TWIST2: variants seen among roughly 807,000 people sequenced by gnomAD.
TWIST2 encodes twist family bHLH transcription factor 2.
Under a neutral mutation model 11.6 loss-of-function variants are expected in TWIST2, and 1 was observed. The ratio of observed to expected loss-of-function variants is 0.09; its 90% CI spans 0.03 to 0.41. TWIST2 has a LOEUF of 0.41. TWIST2 is among the 10% of genes least tolerant of loss of function. The pLI is 0.98. For synonymous variants in TWIST2, 87 were observed against 96.6 expected (o/e 0.90, Z 0.58); for missense variants, 168 against 226.4 (o/e 0.74, Z 1.66).
In TWIST2 at chr2:238,863,500, C is replaced by A. The variant is rs962053375; in HGVS notation, c.*35+14767C>A. On this transcript the variant is annotated intron_variant, in intron 1 of 1. Coordinates refer to ENST00000612363, the MANE Select transcript of TWIST2 (RefSeq NM_001271893.4). The surrounding 1 kb of genome is among the most constrained non-coding windows in gnomAD (Gnocchi z 4.7). ...GTGCGGTTTCAGCTCTCCTGGCTGGCCTTTACCCGCTGGGCAGTTCCCAAA... is the reference window on the plus strand; with the variant it reads ...GTGCGGTTTCAGCTCTCCTGGCTGGACTTTACCCGCTGGGCAGTTCCCAAA... 6.6e-6 allele frequency among the ~76,000 whole-genome samples: 1 copy of A among 152,182 alleles called. No homozygotes were observed. The highest frequency in any genetic ancestry group is 6.5e-5 in the Admixed American group (1 of 15,280).
At chr2:238,909,054 T>A (rs1693408406) in intron 1 of TWIST2, among the ~76,000 whole-genome samples, 1 of 152,086 alleles carries the variant, frequency 6.6e-6, no homozygotes, top group African/African-American at 2.4e-5. Flanking sequence ...GTGGTATGTG[T>A]ATGTGGTGTG....
At chr2:238,904,760 G>T (rs986557436) in intron 1 of TWIST2, among the ~76,000 whole-genome samples, 1 of 151,842 alleles carries the variant, frequency 6.6e-6, no homozygotes, top group Non-Finnish European at 1.5e-5. Context: ...CAATTATGTC[G>T]CAGGAATGGA....
chr2:238,869,086 C>T (rs755040737), intron 1 of TWIST2, among the ~76,000 whole-genome samples: 1 of 152,210 alleles, frequency 6.6e-6, no homozygotes, highest in Non-Finnish European at 1.5e-5. Flanking sequence ...AAGGACGAGG[C>T]TGGGGAGCAC....
At chr2:238,881,910 G>A (rs192758307) in intron 1 of TWIST2, among the ~76,000 whole-genome samples, 3 of 152,208 alleles carry the variant, frequency 2.0e-5, no homozygotes, top group African/African-American at 7.2e-5. Flanking sequence ...ATGAGAGCCC[G>A]TGGGCATCAC....
At position 238,861,706 on chromosome 2, in the gene TWIST2, T is replaced by TA. The variant is rs574896791; in HGVS notation, c.*35+12974dup. Among the ~76,000 whole-genome samples the TA allele has an allele frequency of 3.8e-3, 578 of 152,330 alleles. 4 individuals are homozygous for TA. Among genetic ancestry groups the TA allele is most frequent in the African/African-American group, 0.013 (550 of 41,578 alleles). ...AGCCAGGCTTCCTGGTGAATCCCGT[T>TA]ACAGCCGTCCCGTTTATCCATGGTT... On this transcript the variant is annotated intron_variant, in intron 1 of 1. Transcript: ENST00000612363.
intron 1 of TWIST2, among the ~76,000 whole-genome samples, chr2:238,872,550 T>A (rs1416980949): frequency 6.6e-6 from 1 of 152,258 alleles, no homozygotes; most frequent in African/African-American, 2.4e-5. Context: ...TGCTCTTTCT[T>A]TTCCAAGAAT....
intron 1 of TWIST2, among the ~76,000 whole-genome samples, chr2:238,871,563 C>G: frequency 8.2e-6 from 1 of 121,942 alleles, no homozygotes; most frequent in Admixed American, 8.2e-5. Flanking sequence ...CCACACACCA[C>G]ACACACACCC....
chr2:238,900,723 G>T (rs1273374153), intron 1 of TWIST2, among the ~76,000 whole-genome samples: 1 of 152,092 alleles, frequency 6.6e-6, no homozygotes, highest in African/African-American at 2.4e-5. Flanking sequence ...GAGTGGGGGT[G>T]GTGAGCTTGT....
At chr2:238,885,821 T>C (rs1693024334) in intron 1 of TWIST2, among the ~76,000 whole-genome samples, 1 of 152,140 alleles carries the variant, frequency 6.6e-6, no homozygotes, top group African/African-American at 2.4e-5. Context: ...CCTGTAATCC[T>C]AGCACTTTGA....
intron 1 of TWIST2, among the ~76,000 whole-genome samples, chr2:238,908,722 G>GTGCT (rs1553572950): frequency 2.6e-5 from 4 of 151,472 alleles, no homozygotes; most frequent in Non-Finnish European, 5.9e-5. Flanking sequence ...TGTGCAGTGT[G>GTGCT]TGTGTGGGTA....
chr2:238,898,123 C>T (rs1419003663), intron 1 of TWIST2, among the ~76,000 whole-genome samples: 3 of 152,362 alleles, frequency 2.0e-5, no homozygotes, highest in Admixed American at 6.5e-5. Flanking sequence ...CTGGCGAACG[C>T]GGTCTCAGGG....
In TWIST2 at chr2:238,866,682, C is replaced by G. The variant is rs1328873891; in HGVS notation, c.*35+17949C>G. Among the ~76,000 whole-genome samples, 1 of 152,130 alleles carries G rather than the reference C, an allele frequency of 6.6e-6. No homozygotes were observed. On this transcript the variant is annotated intron_variant, in intron 1 of 1. Coordinates refer to ENST00000612363, the MANE Select transcript of TWIST2 (RefSeq NM_001271893.4). This position sits in a 1 kb window ranked among gnomAD's most constrained non-coding sequence, Gnocchi z 4.9. ...GGAAAAAAAAAAGAAAAGCACGGCG[C>G]CTTCATGTTCCATGCCTTCACGCTG...
intron 1 of TWIST2, among the ~76,000 whole-genome samples, chr2:238,852,233 A>C (rs1353642973): frequency 6.6e-6 from 1 of 152,234 alleles, no homozygotes; most frequent in Non-Finnish European, 1.5e-5. Flanking sequence ...TTTAAAAAAA[A>C]CAAATATTTT....
chr2:238,868,141 C>T (rs1033986485), intron 1 of TWIST2, among the ~76,000 whole-genome samples: 3 of 152,226 alleles, frequency 2.0e-5, no homozygotes, highest in Non-Finnish European at 4.4e-5. Context: ...ACATCAGCCC[C>T]GTGCCCTGGG....
chr2:238,904,656 G>A (rs1473415311), intron 1 of TWIST2, among the ~76,000 whole-genome samples: 1 of 152,006 alleles, frequency 6.6e-6, no homozygotes, highest in Non-Finnish European at 1.5e-5. Flanking sequence ...CTGTGTTCTA[G>A]TTGCTTACAA....
chr2:238,901,152 T>C (rs1693264678), intron 1 of TWIST2, among the ~76,000 whole-genome samples: 1 of 152,050 alleles, frequency 6.6e-6, no homozygotes, highest in African/African-American at 2.4e-5. Flanking sequence ...AATTTTTGTA[T>C]TTTTAGTAGA....
intron 1 of TWIST2, among the ~76,000 whole-genome samples, chr2:238,888,527 T>A (rs1166898360): frequency 6.6e-6 from 1 of 152,230 alleles, no homozygotes; most frequent in African/African-American, 2.4e-5. Flanking sequence ...GACACCACTC[T>A]GTATATTCAT....
intron 1 of TWIST2, among the ~76,000 whole-genome samples, chr2:238,888,053 G>A (rs1227304169): frequency 6.6e-6 from 1 of 152,206 alleles, no homozygotes; most frequent in Non-Finnish European, 1.5e-5. Context: ...GCTCAGTTCC[G>A]AAAGACACTT....
chr2:238,861,329 C>T (rs1358900832), intron 1 of TWIST2, among the ~76,000 whole-genome samples: 2 of 152,218 alleles, frequency 1.3e-5, no homozygotes, highest in African/African-American at 4.8e-5. Context: ...ATGCTCTGCT[C>T]TCCTTTCCGG....
Sources: allele counts gnomAD v4.1 joint callset (sites outside exome capture counted in the v4.1 genomes callset), GRCh38; gene constraint gnomAD v4.1.1; non-coding constraint Gnocchi (gnomAD v3.1); transcripts MANE v1.5; gene names NCBI Gene and HGNC (gene_info 2026-07-23, HGNC 2026-07-21).